The following TENM3 variants were observed in gnomAD, a reference collection of about 807,000 sequenced individuals.
The protein encoded by TENM3 is teneurin-3.
In TENM3, 63 loss-of-function variants were observed where a neutral mutation model predicts 255.1. That is an observed-to-expected ratio of 0.25 (90% CI 0.20 to 0.30). The LOEUF (loss-of-function observed/expected upper bound fraction) is 0.30, where lower values mean the gene tolerates loss of function less well. Among genes scored for constraint, TENM3 ranks in the 10% least tolerant of loss-of-function variants. The pLI, the probability that TENM3 is intolerant of heterozygous loss-of-function variation, is 1.00. For synonymous variants in TENM3, 1,306 were observed against 1,322.3 expected (o/e 0.99, Z 0.27); for missense variants, 2,929 against 3,461.1 (o/e 0.85, Z 3.86).
intron 2 of TENM3, among the ~76,000 whole-genome samples, chr4:182,345,047 A>C (rs1245935488): frequency 1.3e-5 from 2 of 152,080 alleles, no homozygotes; most frequent in Non-Finnish European, 2.9e-5. Context: ...TTTTTGGTTC[A>C]GATACGTGTT....
At chr4:182,699,434 G>T (rs1346713450) in intron 12 of TENM3, among the ~76,000 whole-genome samples, 14 of 152,152 alleles carry the variant, frequency 9.2e-5, no homozygotes, top group Admixed American at 9.2e-4. Context: ...TTAATGGTTT[G>T]CTAACTAGTT....
chr4:181,837,327 C>T, the TENM3 span, among the ~76,000 whole-genome samples: 1 of 152,146 alleles, frequency 6.6e-6, no homozygotes, highest in African/African-American at 2.4e-5. Context: ...TACTGTTTTG[C>T]ATCATATTGT....
intron 3 of TENM3, among the ~76,000 whole-genome samples, chr4:182,487,184 C>G (rs534539134): frequency 8.5e-5 from 13 of 152,234 alleles, no homozygotes; most frequent in Admixed American, 7.2e-4. Context: ...ATAGCTAGCC[C>G]TTTTTATGAC....
rs374395378 is a variant in TENM3 at position 182,628,843 on chromosome 4, C to T, written c.942C>T (p.Ala314=). 41 of 1,609,232 alleles carry T rather than the reference C, an allele frequency of 2.5e-5. No homozygotes were observed. The highest frequency in any genetic ancestry group is 3.1e-5 in the Non-Finnish European group (36 of 1,177,904). ...YCSWKCTALC[A]VGVSVLLAIL... ...GCTGGAAATGCACTGCACTGTGTGCCGTAGGGGTCTCGGTGCTCCTGGCAA... is the reference window on the plus strand; with the variant it reads ...GCTGGAAATGCACTGCACTGTGTGCTGTAGGGGTCTCGGTGCTCCTGGCAA... The change falls in exon 5 of 28, where the codon GCC becomes GCT. Residue 314 remains alanine, a synonymous_variant. Coordinates refer to ENST00000511685, the MANE Select transcript of TENM3 (RefSeq NM_001080477.4).
the TENM3 span, among the ~76,000 whole-genome samples, chr4:181,874,826 C>T: frequency 1.7e-3 from 260 of 152,338 alleles, 1 homozygote; most frequent in East Asian, 3.3e-3. Flanking sequence ...TCTACTTGGG[C>T]TCTGCTTCTT....
At chr4:182,386,602 C>T (rs549100823) in intron 3 of TENM3, among the ~76,000 whole-genome samples, 3 of 152,224 alleles carry the variant, frequency 2.0e-5, no homozygotes, top group Non-Finnish European at 2.9e-5. Context: ...GCAGCGCTTG[C>T]GGGCCAGCTG....
chr4:181,462,688 T>C, the TENM3 span, among the ~76,000 whole-genome samples: 1 of 152,194 alleles, frequency 6.6e-6, no homozygotes. Flanking sequence ...CCTTTTTTCC[T>C]TTTGAAACAT....
Position 182,324,155 on chromosome 4 carries a change from G to C in TENM3, c.135G>C (p.Glu45Asp). Residue 45 changes from glutamate (E) to aspartate (D), a missense_variant, in exon 2 of 28, where the codon GAG becomes GAC. Around this residue, in one of 6 missense-constraint regions of TENM3, gnomAD observed 283 missense variants for 256.9 expected, o/e 1.10. Transcript: ENST00000511685. The stretch of plus-strand genomic sequence containing the variant: ...CACAGAAGTCCTACAGTTCCAGCGA[G>C]ACATTGAAAGCTTTTGATCATGATT... ...VPTQKSYSSSETLKAFDHDSS... is the reference protein window; with the variant it reads ...VPTQKSYSSSDTLKAFDHDSS... The C allele has an allele frequency of 6.2e-7, 1 of 1,614,040 alleles. No homozygotes were observed. Among genetic ancestry groups the C allele is most frequent in the Non-Finnish European group, 8.5e-7 (1 of 1,179,906 alleles).
intron 5 of TENM3, 45 bp from the exon 6 acceptor site, chr4:182,653,726 C>T: frequency 6.5e-7 from 1 of 1,545,132 alleles, no homozygotes; most frequent in South Asian, 1.2e-5. Flanking sequence ...GCCGTTGTAG[C>T]TGAAGGCAGC....
At chr4:181,918,930 G>T in the TENM3 span, among the ~76,000 whole-genome samples, 1 of 151,914 alleles carries the variant, frequency 6.6e-6, no homozygotes, top group African/African-American at 2.4e-5. Context: ...ATACAAAAAG[G>T]CAACTTTAAT....
At chr4:182,740,416 G>A (rs867819667) in intron 18 of TENM3, among the ~76,000 whole-genome samples, 2 of 152,196 alleles carry the variant, frequency 1.3e-5, no homozygotes, top group African/African-American at 2.4e-5. Context: ...TTTAAAATGC[G>A]AAGCCATATG....
the TENM3 span, among the ~76,000 whole-genome samples, chr4:181,778,935 C>T: frequency 1.3e-5 from 2 of 152,152 alleles, no homozygotes; most frequent in Admixed American, 1.3e-4. Flanking sequence ...GGAATTAGGT[C>T]TTATATCATT....
chr4:182,365,302 G>A (rs1014105431), intron 3 of TENM3, among the ~76,000 whole-genome samples: 3 of 152,224 alleles, frequency 2.0e-5, no homozygotes, highest in East Asian at 1.9e-4. Flanking sequence ...GATGGACTTC[G>A]AGGACACCAG....
At chr4:181,749,977 C>G in the TENM3 span, among the ~76,000 whole-genome samples, 1 of 152,038 alleles carries the variant, frequency 6.6e-6, no homozygotes, top group Non-Finnish European at 1.5e-5. Context: ...TTCAGTGATC[C>G]CTTATTAAAA....
At chr4:182,315,669 T>TC (rs1162799839) in intron 1 of TENM3, among the ~76,000 whole-genome samples, 3 of 152,182 alleles carry the variant, frequency 2.0e-5, no homozygotes, top group African/African-American at 7.2e-5. Flanking sequence ...TATTATTTCT[T>TC]CACATTTTTT....
At chr4:182,774,842 A>G in intron 23 of TENM3, 76 bp from the exon 24 acceptor site, 1 of 1,036,794 alleles carries the variant, frequency 9.6e-7, no homozygotes, top group Non-Finnish European at 1.4e-6. Flanking sequence ...GAAATTTAGA[A>G]CCTATCTCAC....
intron 3 of TENM3, among the ~76,000 whole-genome samples, chr4:182,485,715 G>A (rs1314324127): frequency 1.3e-5 from 2 of 152,094 alleles, no homozygotes; most frequent in African/African-American, 4.8e-5. Flanking sequence ...CCAGTATTTC[G>A]GTAATATTTT....
chr4:181,787,949 TG>T, the TENM3 span, among the ~76,000 whole-genome samples: 1 of 152,126 alleles, frequency 6.6e-6, no homozygotes, highest in Non-Finnish European at 1.5e-5. Context: ...AAGCTGAGAT[TG>T]CACCACTATA....
intron 3 of TENM3, among the ~76,000 whole-genome samples, chr4:182,512,070 C>T (rs1737460826): frequency 6.6e-6 from 1 of 152,184 alleles, no homozygotes; most frequent in Admixed American, 6.5e-5. Flanking sequence ...CAGGAACTCT[C>T]ATCTCCTGGG....
Sources: allele counts gnomAD v4.1 joint callset (sites outside exome capture counted in the v4.1 genomes callset), GRCh38; gene constraint gnomAD v4.1.1; regional missense constraint gnomAD v4.1.1; transcripts MANE v1.5; gene names NCBI Gene and HGNC (gene_info 2026-07-23, HGNC 2026-07-21).